The following ZC3H12C variants were observed in gnomAD, a reference collection of about 807,000 sequenced individuals.
ZC3H12C encodes the protein zinc finger CCCH-type containing 12C, also known as probable ribonuclease ZC3H12C.
ZC3H12C carries 20 observed loss-of-function variants against 76.3 expected under a neutral mutation model. The observed-to-expected ratio is 0.26, with a 90% CI of 0.18 to 0.38. ZC3H12C has a LOEUF of 0.38. ZC3H12C is among the 10% of genes least tolerant of loss of function. The pLI is 1.00. For missense variants in ZC3H12C, 874 were observed against 1,086.5 expected (o/e 0.80, Z 2.75); for synonymous variants, 352 against 399.6 (o/e 0.88, Z 1.42).
intron 1 of ZC3H12C, among the ~76,000 whole-genome samples, chr11:110,117,568 A>G (rs1257508970): frequency 1.3e-5 from 2 of 150,458 alleles, no homozygotes; most frequent in African/African-American, 4.9e-5. Flanking sequence ...ATTTCAAACA[A>G]CCATATTTTA....
intron 1 of ZC3H12C, among the ~76,000 whole-genome samples, chr11:110,103,088 C>T (rs1861248594): frequency 6.6e-6 from 1 of 152,102 alleles, no homozygotes; most frequent in Non-Finnish European, 1.5e-5. Flanking sequence ...CAGTCTGGAA[C>T]CAAAACCACA....
intron 1 of ZC3H12C, among the ~76,000 whole-genome samples, chr11:110,106,440 A>G (rs1861329453): frequency 6.6e-6 from 1 of 152,196 alleles, no homozygotes; most frequent in Non-Finnish European, 1.5e-5. Context: ...CTCATTTTGT[A>G]CAGTCAGAGA....
Position 110,170,322 on chromosome 11 carries a change from A to G in ZC3H12C, c.*4585A>G, listed in dbSNP as rs1001784846. The G allele has an allele frequency of 1.3e-5, 2 of 152,038 alleles. No individual in the cohort carries two copies. Among genetic ancestry groups the G allele is most frequent in the African/African-American group, 2.4e-5 (1 of 41,418 alleles). 9.4% of individuals were successfully genotyped at this position (152,038 alleles called of 1,614,324 possible). On this transcript the variant is annotated 3_prime_UTR_variant, in exon 6 of 6. Transcript: ENST00000278590. The stretch of plus-strand genomic sequence containing the variant: ...TTGTTTTTTAAAAGTCTCATAGACC[A>G]AAAAAAATCTGTTGCAGCATTTAAT...
At chr11:110,133,513 T>G (rs1861901575) in intron 1 of ZC3H12C, among the ~76,000 whole-genome samples, 1 of 152,198 alleles carries the variant, frequency 6.6e-6, no homozygotes, top group South Asian at 2.1e-4. Context: ...CTAAAAAAAC[T>G]GGATGTTAAT....
intron 1 of ZC3H12C, among the ~76,000 whole-genome samples, chr11:110,106,254 C>T (rs1201849180): frequency 7.1e-5 from 1 of 14,122 alleles, no homozygotes; most frequent in Admixed American, 8.8e-4. Flanking sequence ...GGCGACAGAG[C>T]GAGACTCCGT....
intron 1 of ZC3H12C, 182 bp from the exon 2 acceptor site, chr11:110,136,481 T>A: frequency 1.6e-6 from 1 of 617,104 alleles, no homozygotes; most frequent in Non-Finnish European, 2.7e-6. Flanking sequence ...TTCTAATTTA[T>A]GACTTCTTCA....
intron 1 of ZC3H12C, among the ~76,000 whole-genome samples, chr11:110,130,256 A>T (rs2134170634): frequency 6.6e-6 from 1 of 152,274 alleles, no homozygotes; most frequent in Admixed American, 6.5e-5. Flanking sequence ...AGTTTAGGTA[A>T]CTCATTTGGC....
intron 1 of ZC3H12C, among the ~76,000 whole-genome samples, chr11:110,120,145 T>C (rs1215804509): frequency 6.6e-6 from 1 of 152,236 alleles, no homozygotes; most frequent in Admixed American, 6.5e-5. Flanking sequence ...TTGTTCTTAC[T>C]GTAGCCTCAG....
In ZC3H12C at chr11:110,130,922, G is replaced by C; in HGVS notation, c.22-5741G>C. 2.7e-6 allele frequency: 3 copies of C among 1,096,732 alleles called. No homozygotes were observed. In the East Asian group the frequency reaches 7.8e-5, roughly 29 times the overall value. 67.9% of individuals were successfully genotyped at this position (1,096,732 alleles called of 1,614,324 possible). ...CATCTGCCCGGCCAACTAATTGTGA[G>C]CTTTCTGGCCTATGATTGGCTGTTA... On this transcript the variant is annotated intron_variant, in intron 1 of 5. Coordinates refer to ENST00000278590, the MANE Select transcript of ZC3H12C (RefSeq NM_033390.2).
intron 3 of ZC3H12C, among the ~76,000 whole-genome samples, chr11:110,155,658 A>G: frequency 6.6e-6 from 1 of 152,230 alleles, no homozygotes; most frequent in East Asian, 1.9e-4. Context: ...TCTTTTACAT[A>G]AAAGGCAGAT....
At chr11:110,112,593 AAAG>A (rs746383473) in intron 1 of ZC3H12C, among the ~76,000 whole-genome samples, 1 of 152,248 alleles carries the variant, frequency 6.6e-6, no homozygotes, top group Non-Finnish European at 1.5e-5. Flanking sequence ...GAGAAGGGTT[AAAG>A]AAGGACTAGA....
At chr11:110,146,970 C>T (rs1372522552) in intron 2 of ZC3H12C, among the ~76,000 whole-genome samples, 1 of 152,178 alleles carries the variant, frequency 6.6e-6, no homozygotes, top group African/African-American at 2.4e-5. Context: ...TGGAGACTCA[C>T]CCAACAGCAG....
In ZC3H12C at chr11:110,149,278, T is replaced by C. The variant is rs1005657586; in HGVS notation, c.774-3641T>C. The stretch of plus-strand genomic sequence containing the variant: ...GGGGACCCACCCTGCTCATCCCCAC[T>C]AACCTGCCTTTCCCTCGCCGTTTAA... On this transcript the variant is annotated intron_variant, in intron 2 of 5. Transcript: ENST00000278590. 7.9e-5 allele frequency among the ~76,000 whole-genome samples: 12 copies of C among 152,292 alleles called. No homozygotes were observed. The South Asian group carries it at 1.9e-3, about 24-fold the overall frequency.
chr11:110,125,993 C>G (rs1861737483), intron 1 of ZC3H12C, among the ~76,000 whole-genome samples: 1 of 152,174 alleles, frequency 6.6e-6, no homozygotes, highest in South Asian at 2.1e-4. Context: ...CTCTTTCTGA[C>G]CCTGAGAGCT....
rs373900166 is a variant in ZC3H12C, at chr11:110,159,240, G to A, written c.914-16G>A. ...TGTATTTACTTTCTGCCATCCTACC[G>A]TCATTATTCTTGCAGATCAGGAAAT... On this transcript the variant is annotated splice_polypyrimidine_tract_variant and intron_variant, in intron 3 of 5. Coordinates refer to ENST00000278590, the MANE Select transcript of ZC3H12C (RefSeq NM_033390.2). 141 of 1,587,956 alleles carry A rather than the reference G, an allele frequency of 8.9e-5. No individual in the cohort carries two copies. The highest frequency in any genetic ancestry group is 5.5e-4 in the Admixed American group (31 of 56,390).
chr11:110,161,208 G>A (rs1051966634), intron 4 of ZC3H12C, among the ~76,000 whole-genome samples: 3 of 152,132 alleles, frequency 2.0e-5, no homozygotes, highest in East Asian at 1.9e-4. Context: ...ACTTTTATAC[G>A]ACTGGGGGCA....
intron 1 of ZC3H12C, among the ~76,000 whole-genome samples, chr11:110,134,394 C>T (rs1861918030): frequency 6.6e-6 from 1 of 152,026 alleles, no homozygotes; most frequent in Admixed American, 6.6e-5. Context: ...TGCCAAGCAG[C>T]CCAGCTTCCA....
At chr11:110,116,481 T>C (rs1466224990) in intron 1 of ZC3H12C, among the ~76,000 whole-genome samples, 1 of 152,216 alleles carries the variant, frequency 6.6e-6, no homozygotes, top group Admixed American at 6.5e-5. Context: ...TTAACTCTAA[T>C]GCATTTGATT....
intron 1 of ZC3H12C, among the ~76,000 whole-genome samples, chr11:110,122,765 A>G (rs1351260604): frequency 6.6e-6 from 1 of 152,222 alleles, no homozygotes; most frequent in African/African-American, 2.4e-5. Context: ...AGTACATTTA[A>G]GGTAGGCCAG....
Sources: gnomAD v4.1 joint callset for allele counts (sites outside exome capture counted in the v4.1 genomes callset) on GRCh38, gnomAD v4.1.1 for gene constraint, MANE v1.5 for transcripts, NCBI Gene and HGNC (gene_info 2026-07-23, HGNC 2026-07-21) for gene names.